LY6G6D: variants seen among roughly 807,000 people sequenced by gnomAD.
LY6G6D encodes lymphocyte antigen 6 complex locus protein G6d.
LY6G6D carries 5 observed loss-of-function variants against 8.5 expected under a neutral mutation model. The observed-to-expected ratio is 0.59, with a 90% CI of 0.31 to 1.24. The LOEUF is 1.24. Among genes scored for constraint, LY6G6D ranks in the 50% most tolerant of loss-of-function variants. The probability of loss-of-function intolerance (pLI) is 0.07; values close to 1 mark genes in which losing one functional copy is unlikely to be tolerated. For synonymous variants in LY6G6D, 65 were observed against 69.6 expected (o/e 0.93, Z 0.33); for missense variants, 154 against 170.4 (o/e 0.90, Z 0.53).
chr6:31,715,408 T>TGCAA lies in LY6G6D; in HGVS notation c.54_55insCAAG (p.Gly19GlnfsTer138), dbSNP rs1032948263. 1 of 1,605,292 alleles carries TGCAA rather than the reference T, an allele frequency of 6.2e-7. No individual in the cohort carries two copies. Among genetic ancestry groups the TGCAA allele is most frequent in the Non-Finnish European group, 8.5e-7 (1 of 1,174,658 alleles). On this transcript the variant is annotated frameshift_variant and splice_region_variant, in exon 1 of 3. Coordinates refer to ENST00000375825, the MANE Select transcript of LY6G6D (RefSeq NM_021246.4). LOFTEE classifies it high-confidence loss of function. Reference sequence around the variant, plus strand: ...CTCAGCTCCCTGCTAGGGGCTGCCTTGGGTAAGGAGGCGGCCAGCTAGCTT... The same window carrying TGCAA: ...CTCAGCTCCCTGCTAGGGGCTGCCTTGCAAGGGTAAGGAGGCGGCCAGCTAGCTT...
rs569257788 is a variant in LY6G6D, at chr6:31,716,052, T to A, written c.178+428T>A. ...ATTGACAGAAAAGTTGCAGAAATAC[T>A]CAACTTCTCCTAATGCTAACATCTT... On this transcript the variant is annotated intron_variant, in intron 2 of 2. Transcript: ENST00000375825. The surrounding 1 kb of genome is among the most constrained non-coding windows in gnomAD (Gnocchi z 5.1). Among the ~76,000 whole-genome samples, 1 of 152,036 alleles carries A rather than the reference T, an allele frequency of 6.6e-6. No individual in the cohort carries two copies. Among genetic ancestry groups the A allele is most frequent in the Admixed American group, 6.6e-5 (1 of 15,250 alleles).
rs773559708 is a variant in LY6G6D at position 31,717,435 on chromosome 6, A to G, written c.179-146A>G. On this transcript the variant is annotated intron_variant, in intron 2 of 2. Coordinates refer to ENST00000375825, the MANE Select transcript of LY6G6D (RefSeq NM_021246.4). The surrounding 1 kb of genome is among the most constrained non-coding windows in gnomAD (Gnocchi z 5.0). Reference sequence around the variant, plus strand: ...CATCAGGAGTTTACAAGGTCAATGCATTAACTTTGATCACTTGGTTTCAGG... The same window carrying G: ...CATCAGGAGTTTACAAGGTCAATGCGTTAACTTTGATCACTTGGTTTCAGG... 24 of 1,594,356 alleles carry G rather than the reference A, an allele frequency of 1.5e-5. No individual in the cohort carries two copies. Among genetic ancestry groups the G allele is most frequent in the Middle Eastern group, 1.7e-4 (1 of 5,982 alleles).
In LY6G6D at chr6:31,715,402, C is replaced by T. The variant is rs1315220346; in HGVS notation, c.47C>T (p.Ala16Val). 1.2e-6 allele frequency: 2 copies of T among 1,606,062 alleles called. No individual in the cohort carries two copies. The highest frequency in any genetic ancestry group is 1.7e-6 in the Non-Finnish European group (2 of 1,175,208). Residue 16 changes from alanine to valine, a missense_variant, in exon 1 of 3, where the codon GCT becomes GTT. By Grantham distance (64) the Ala-to-Val change is moderately conservative (BLOSUM62 0). Transcript: ENST00000375825. ...ATCTTGCTCAGCTCCCTGCTAGGGG[C>T]TGCCTTGGGTAAGGAGGCGGCCAGC... Reference protein sequence around the residue: ...VGILLSSLLGAALGNRMRCYN... With the variant: ...VGILLSSLLGVALGNRMRCYN...
chr6:31,715,945 G>C (rs374160908), intron 2 of LY6G6D, among the ~76,000 whole-genome samples: 134 of 128,950 alleles, frequency 1.0e-3, no homozygotes, highest in African/African-American at 4.2e-3. Context: ...TAAGGACCAG[G>C]GAGGGGTGTG....
Position 31,717,499 on chromosome 6 carries a change from C to G in LY6G6D, c.179-82C>G. On this transcript the variant is annotated intron_variant, in intron 2 of 2. Transcript: ENST00000375825. The surrounding 1 kb of genome is among the most constrained non-coding windows in gnomAD (Gnocchi z 5.0). The stretch of plus-strand genomic sequence containing the variant: ...AGGGGGCTGAAAATCCCTTTGGGCT[C>G]CTTGAAATCACATCTGCTCTGCCCC... 1 of 1,613,844 alleles carries G rather than the reference C, an allele frequency of 6.2e-7. No homozygotes were observed. The highest frequency in any genetic ancestry group is 8.5e-7 in the Non-Finnish European group (1 of 1,179,862).
intron 1 of LY6G6D, 45 bp downstream of exon 1, chr6:31,715,455 C>A: frequency 6.2e-7 from 1 of 1,606,116 alleles, no homozygotes; most frequent in Non-Finnish European, 8.5e-7. Context: ...CTTCTGCCAG[C>A]CGGCTCCACC....
chr6:31,717,701 A>T lies in LY6G6D; in HGVS notation c.299A>T (p.Asp100Val). Residue 100 changes from aspartate (D) to valine (V), a missense_variant, in exon 3 of 3, where the codon GAC becomes GTC. Physicochemically the swap from Asp to Val is radical, Grantham distance 152. Coordinates refer to ENST00000375825, the MANE Select transcript of LY6G6D (RefSeq NM_021246.4). This position sits in a 1 kb window ranked among gnomAD's most constrained non-coding sequence, Gnocchi z 5.0. ...YPAHRDCYLG[D>V]LCNSAVASHV... ...GCCCACAGGGACTGCTACCTGGGAG[A>T]CCTGTGCAACAGCGCCGTGGCAAGC... 1 of 1,614,158 alleles carries T rather than the reference A, an allele frequency of 6.2e-7. No homozygotes were observed.
At position 31,717,584 on chromosome 6, in the gene LY6G6D, C is replaced by G. The variant is rs919840227; in HGVS notation, c.182C>G (p.Pro61Arg). Residue 61 changes from proline (P) to arginine (R), a missense_variant, in exon 3 of 3, where the codon CCA (proline) becomes CGA (arginine). By Grantham distance (103) the Pro-to-Arg change is moderately radical. Coordinates refer to ENST00000375825, the MANE Select transcript of LY6G6D (RefSeq NM_021246.4). This position sits in a 1 kb window ranked among gnomAD's most constrained non-coding sequence, Gnocchi z 5.0. ...CCAGTTTCATTCTCTCTCTCAGCCC[C>G]AGTGACCTTGATTCACCAACATCCA... ...LEQIKLPGNP[P>R]VTLIHQHPAC... 1 of 1,614,240 alleles carries G rather than the reference C, an allele frequency of 6.2e-7. No individual in the cohort carries two copies. The highest frequency in any genetic ancestry group is 8.5e-7 in the Non-Finnish European group (1 of 1,180,042).
chr6:31,717,176 AGAGGTG>A lies in LY6G6D; in HGVS notation c.179-399_179-394del, dbSNP rs1806490648. Among the ~76,000 whole-genome samples, 1 of 148,758 alleles carries A rather than the reference AGAGGTG, an allele frequency of 6.7e-6. No individual in the cohort carries two copies. ...GAGGCAGGAGAATTGCTTGAACCCA[AGAGGTG>A]GAGGTCGCGGTGAGCCGAGATCACA... On this transcript the variant is annotated intron_variant, in intron 2 of 2. Coordinates refer to ENST00000375825, the MANE Select transcript of LY6G6D (RefSeq NM_021246.4). This position sits in a 1 kb window ranked among gnomAD's most constrained non-coding sequence, Gnocchi z 5.0.
rs1196288564 is a variant in LY6G6D at position 31,715,516 on chromosome 6, T to G, written c.70T>G (p.Cys24Gly). The G allele has an allele frequency of 1.2e-5, 20 of 1,612,826 alleles. No homozygotes were observed. Among genetic ancestry groups the G allele is most frequent in the Non-Finnish European group, 1.7e-5 (20 of 1,179,968 alleles). ...TCTCCTGCCAGGAAACCGAATGCGG[T>G]GCTACAACTGTGGTGGAAGCCCCAG... ...LGAALGNRMR[C>G]YNCGGSPSSS... The change falls in exon 2 of 3, where the codon TGC becomes GGC. Residue 24 changes from cysteine to glycine, a missense_variant. Coordinates refer to ENST00000375825, the MANE Select transcript of LY6G6D (RefSeq NM_021246.4).
Position 31,715,525 on chromosome 6 carries a change from T to G in LY6G6D, c.79T>G (p.Cys27Gly). 7 of 1,612,908 alleles carry G rather than the reference T, an allele frequency of 4.3e-6. No individual in the cohort carries two copies. The highest frequency in any genetic ancestry group is 5.9e-6 in the Non-Finnish European group (7 of 1,179,962). The change falls in exon 2 of 3, where the codon TGT (cysteine) becomes GGT (glycine). Residue 27 changes from cysteine (C) to glycine (G), a missense_variant. Physicochemically the swap from Cys to Gly is radical, Grantham distance 159 (BLOSUM62 -3). Coordinates refer to ENST00000375825, the MANE Select transcript of LY6G6D (RefSeq NM_021246.4). Reference sequence around the variant, plus strand: ...AGGAAACCGAATGCGGTGCTACAACTGTGGTGGAAGCCCCAGCAGTTCTTG... The same window carrying G: ...AGGAAACCGAATGCGGTGCTACAACGGTGGTGGAAGCCCCAGCAGTTCTTG... ...ALGNRMRCYN[C>G]GGSPSSSCKE...
chr6:31,716,091 A>C lies in LY6G6D; in HGVS notation c.178+467A>C, dbSNP rs539480298. On this transcript the variant is annotated intron_variant, in intron 2 of 2. Coordinates refer to ENST00000375825, the MANE Select transcript of LY6G6D (RefSeq NM_021246.4). The surrounding 1 kb of genome is among the most constrained non-coding windows in gnomAD (Gnocchi z 5.1). ...TGCTAACATCTTACATAACCATAGC[A>C]CAATTATCAAAATCACAAAATAACT... 5.3e-5 allele frequency among the ~76,000 whole-genome samples: 8 copies of C among 152,288 alleles called. No homozygotes were observed. Among genetic ancestry groups the C allele is most frequent in the Non-Finnish European group, 1.2e-4 (8 of 68,022 alleles).
At position 31,717,077 on chromosome 6, in the gene LY6G6D, C is replaced by T. The variant is rs1806483414; in HGVS notation, c.179-504C>T. Among the ~76,000 whole-genome samples, 1 of 152,038 alleles carries T rather than the reference C, an allele frequency of 6.6e-6. No individual in the cohort carries two copies. Among genetic ancestry groups the T allele is most frequent in the Non-Finnish European group, 1.5e-5 (1 of 68,014 alleles). The stretch of plus-strand genomic sequence containing the variant: ...ACCAGCCTGATCAATGTGGAGAAAT[C>T]TCGTCTCTACTAAAAATACAAAATT... On this transcript the variant is annotated intron_variant, in intron 2 of 2. Coordinates refer to ENST00000375825, the MANE Select transcript of LY6G6D (RefSeq NM_021246.4). The surrounding 1 kb of genome is among the most constrained non-coding windows in gnomAD (Gnocchi z 5.0).
Position 31,717,773 on chromosome 6 carries a change from C to T in LY6G6D, c.371C>T (p.Thr124Ile), listed in dbSNP as rs566887669. 3 of 1,613,678 alleles carry T rather than the reference C, an allele frequency of 1.9e-6. No individual in the cohort carries two copies. Among genetic ancestry groups the T allele is most frequent in the South Asian group, 2.2e-5 (2 of 91,080 alleles). Residue 124 changes from threonine (T) to isoleucine (I), a missense_variant, in exon 3 of 3, where the codon ACC becomes ATC. Transcript: ENST00000375825. The surrounding 1 kb of genome is among the most constrained non-coding windows in gnomAD (Gnocchi z 5.0). ...TTGGCTGCAGCAGCTACCGCCCTGA[C>T]CTGTCTCTTGCCAGGACTGTGGAGC... ...GILAAAATAL[T>I]CLLPGLWSG
At position 31,717,451 on chromosome 6, in the gene LY6G6D, T is replaced by C. The variant is rs1387483565; in HGVS notation, c.179-130T>C. ...GGTCAATGCATTAACTTTGATCACT[T>C]GGTTTCAGGGAGGTGTTTTTTGAGG... On this transcript the variant is annotated intron_variant, in intron 2 of 2. Transcript: ENST00000375825. The surrounding 1 kb of genome is among the most constrained non-coding windows in gnomAD (Gnocchi z 5.0). The C allele has an allele frequency of 6.2e-7, 1 of 1,604,282 alleles. No individual in the cohort carries two copies.
At chr6:31,715,708 A>G in intron 2 of LY6G6D, 84 bp downstream of exon 2, 1 of 1,560,610 alleles carries the variant, frequency 6.4e-7, no homozygotes, top group Non-Finnish European at 8.7e-7. Flanking sequence ...AGAACCCTCC[A>G]GGCTCAGTCT....
chr6:31,715,950 GGTGTGTGTGTGTGTGTGT>G lies in LY6G6D; in HGVS notation c.178+349_178+366del, dbSNP rs3138769. Among the ~76,000 whole-genome samples the G allele has an allele frequency of 4.8e-5, 7 of 147,048 alleles. No individual in the cohort carries two copies. In the East Asian group the frequency reaches 1.0e-3, roughly 21 times the overall value. ...CGGCATTAGTTAAGGACCAGGGAGG[GGTGTGTGTGTGTGTGTGT>G]GTGTGTGTGTGTGTGTGTGTGTACA... On this transcript the variant is annotated intron_variant, in intron 2 of 2. Transcript: ENST00000375825.
Position 31,717,765 on chromosome 6 carries a change from C to T in LY6G6D, c.363C>T (p.Thr121=), listed in dbSNP as rs149309855. The T allele has an allele frequency of 2.3e-4, 371 of 1,613,720 alleles. No individual in the cohort carries two copies. Among genetic ancestry groups the T allele is most frequent in the African/African-American group, 3.6e-4 (27 of 74,924 alleles). ...CAGGCATTTTGGCTGCAGCAGCTACCGCCCTGACCTGTCTCTTGCCAGGAC... is the reference window on the plus strand; with the variant it reads ...CAGGCATTTTGGCTGCAGCAGCTACTGCCCTGACCTGTCTCTTGCCAGGAC... ...APAGILAAAA[T]ALTCLLPGLW... The change falls in exon 3 of 3, where the codon ACC becomes ACT. Residue 121 remains threonine, a synonymous_variant. Coordinates refer to ENST00000375825, the MANE Select transcript of LY6G6D (RefSeq NM_021246.4). The surrounding 1 kb of genome is among the most constrained non-coding windows in gnomAD (Gnocchi z 5.0).
In LY6G6D at chr6:31,715,376, G is replaced by T; in HGVS notation, c.21G>T (p.Gly7=). The change falls in exon 1 of 3, where the codon GGG becomes GGT. Residue 7 remains glycine (G), a synonymous_variant. Coordinates refer to ENST00000375825, the MANE Select transcript of LY6G6D (RefSeq NM_021246.4). MKPQFV[G]ILLSSLLGAA... is the part of the protein sequence containing the mutation. ...CTGCGATGAAACCCCAGTTTGTTGG[G>T]ATCTTGCTCAGCTCCCTGCTAGGGG... 6.2e-7 allele frequency: 1 copy of T among 1,603,268 alleles called. No individual in the cohort carries two copies. The highest frequency in any genetic ancestry group is 1.3e-5 in the African/African-American group (1 of 74,840).
Sources: allele counts gnomAD v4.1 joint callset (sites outside exome capture counted in the v4.1 genomes callset), GRCh38; gene constraint gnomAD v4.1.1; non-coding constraint Gnocchi (gnomAD v3.1); transcripts MANE v1.5; gene names NCBI Gene and HGNC (gene_info 2026-07-23, HGNC 2026-07-21).